VWC2L: variants seen among roughly 807,000 people sequenced by gnomAD.
The protein encoded by VWC2L is von Willebrand factor C domain containing 2 like.
In VWC2L, 10 loss-of-function variants were observed where a neutral mutation model predicts 21.6. That is an observed-to-expected ratio of 0.46 (90% CI 0.29 to 0.78). VWC2L has a LOEUF of 0.78. VWC2L is among the 30% of genes least tolerant of loss of function. The probability of loss-of-function intolerance (pLI) is 0.10; values close to 1 mark genes in which losing one functional copy is unlikely to be tolerated. For synonymous variants in VWC2L, 96 were observed against 94.3 expected, an observed-to-expected ratio of 1.02 and a Z score of -0.10; for missense variants, 209 against 277.1, an observed-to-expected ratio of 0.75 and a Z score of 1.74.
intron 3 of VWC2L, among the ~76,000 whole-genome samples, chr2:214,522,441 C>G (rs941482393): frequency 6.9e-6 from 1 of 144,996 alleles, no homozygotes; most frequent in South Asian, 2.2e-4. Context: ...ACTTCTATTT[C>G]TTTATATTCA....
chr2:214,521,212 G>A (rs1457262801), intron 3 of VWC2L, among the ~76,000 whole-genome samples: 1 of 150,982 alleles, frequency 6.6e-6, no homozygotes, highest in Non-Finnish European at 1.5e-5. Flanking sequence ...ACGACAGAGG[G>A]AGACTCTGAC....
chr2:214,527,798 A>G (rs893414307), intron 3 of VWC2L, among the ~76,000 whole-genome samples: 5 of 152,218 alleles, frequency 3.3e-5, no homozygotes, highest in Non-Finnish European at 7.3e-5. Context: ...ATTAAGTAAT[A>G]CATTAATATT....
At position 214,577,118 on chromosome 2, in the gene VWC2L, A is replaced by G. The variant is rs1463192805; in HGVS notation, c.*1298A>G. On this transcript the variant is annotated 3_prime_UTR_variant, in exon 4 of 4. Transcript: ENST00000312504. The stretch of plus-strand genomic sequence containing the variant: ...TCAAGTGCAAAATTAACAATTCTGA[A>G]ACCACATGGCATAGTTAGTCGCTTA... The G allele has an allele frequency of 6.6e-6, 1 of 152,164 alleles. No homozygotes were observed. The highest frequency in any genetic ancestry group is 1.5e-5 in the Non-Finnish European group (1 of 68,022). 9.4% of individuals were successfully genotyped at this position (152,164 alleles called of 1,614,324 possible). A position where few individuals can be genotyped will look rare whatever the true frequency, so the allele number is the denominator to read the frequency against.
chr2:214,522,418 T>C (rs961587356), intron 3 of VWC2L, among the ~76,000 whole-genome samples: 12 of 151,332 alleles, frequency 7.9e-5, no homozygotes, highest in African/African-American at 2.4e-4. Context: ...TCCTCTTTGC[T>C]GATTCCTCCT....
chr2:214,419,720 G>T (rs115874817), intron 2 of VWC2L, among the ~76,000 whole-genome samples: 1,838 of 152,220 alleles, frequency 0.012, 36 homozygotes, highest in African/African-American at 0.042. Context: ...ATATTCGAAA[G>T]GTGCGGTGTG....
intron 3 of VWC2L, among the ~76,000 whole-genome samples, chr2:214,565,374 G>C (rs920628079): frequency 6.6e-6 from 1 of 152,048 alleles, no homozygotes; most frequent in African/African-American, 2.4e-5. Flanking sequence ...TTCAACCAAT[G>C]AAAGCACTTA....
At chr2:214,417,341 G>C (rs969170902) in intron 2 of VWC2L, among the ~76,000 whole-genome samples, 22 of 147,254 alleles carry the variant, frequency 1.5e-4, no homozygotes, top group Admixed American at 1.4e-4. Flanking sequence ...GATGTGAAGA[G>C]AGAAGGGGGA....
intron 3 of VWC2L, among the ~76,000 whole-genome samples, chr2:214,493,078 G>C (rs7424055): frequency 0.38 from 57,355 of 152,016 alleles, 12,758 homozygotes; most frequent in South Asian, 0.59. Flanking sequence ...CCTAATATGG[G>C]GTACACCTGC....
At chr2:214,545,225 GA>G (rs1283974249) in intron 3 of VWC2L, among the ~76,000 whole-genome samples, 4 of 152,034 alleles carry the variant, frequency 2.6e-5, no homozygotes, top group South Asian at 2.1e-4. Flanking sequence ...ATTTAAAATA[GA>G]AAAAAATCTA....
chr2:214,418,910 G>T (rs1038787782), intron 2 of VWC2L, among the ~76,000 whole-genome samples: 1 of 152,084 alleles, frequency 6.6e-6, no homozygotes, highest in Non-Finnish European at 1.5e-5. Context: ...CTCACCAAGG[G>T]TTGTCTTGGA....
At position 214,459,902 on chromosome 2, in the gene VWC2L, C is replaced by CTTTT. The variant is rs57351904; in HGVS notation, c.520+23163_520+23166dup. Among the ~76,000 whole-genome samples the CTTTT allele has an allele frequency of 6.4e-3, 545 of 85,126 alleles. 4 individuals carry two copies. Among genetic ancestry groups the CTTTT allele is most frequent in the Middle Eastern group, 0.013 (1 of 78 alleles). 55.8% of individuals were successfully genotyped at this position (85,126 alleles called of 152,430 possible). On this transcript the variant is annotated intron_variant, in intron 3 of 3. Coordinates refer to ENST00000312504, the MANE Select transcript of VWC2L (RefSeq NM_001080500.4). ...TCTAGAATTATTTCTTTTCCTTTGA[C>CTTTT]TTTTTTTTTTTTTTTTTTTTTTGAG...
At chr2:214,423,729 A>C (rs1702476789) in intron 2 of VWC2L, among the ~76,000 whole-genome samples, 1 of 152,142 alleles carries the variant, frequency 6.6e-6, no homozygotes, top group Admixed American at 6.5e-5. Flanking sequence ...CCATTGTCTA[A>C]AACAGAAAAA....
At chr2:214,494,041 T>C (rs1019449986) in intron 3 of VWC2L, among the ~76,000 whole-genome samples, 1 of 152,128 alleles carries the variant, frequency 6.6e-6, no homozygotes, top group Non-Finnish European at 1.5e-5. Context: ...GTAATACTAT[T>C]CCTAATTTTC....
intron 3 of VWC2L, among the ~76,000 whole-genome samples, chr2:214,540,707 C>G (rs1689613136): frequency 6.6e-6 from 1 of 152,170 alleles, no homozygotes; most frequent in African/African-American, 2.4e-5. Context: ...TTAATTTGTT[C>G]TCTGAGAAAT....
At chr2:214,500,069 A>T (rs1688870485) in intron 3 of VWC2L, among the ~76,000 whole-genome samples, 1 of 152,208 alleles carries the variant, frequency 6.6e-6, no homozygotes, top group Non-Finnish European at 1.5e-5. Flanking sequence ...CATCAGGCAA[A>T]GGTAAGAGCA....
At chr2:214,421,277 T>G (rs1023662170) in intron 2 of VWC2L, among the ~76,000 whole-genome samples, 1 of 152,234 alleles carries the variant, frequency 6.6e-6, no homozygotes, top group African/African-American at 2.4e-5. Context: ...TATTAAGTAC[T>G]TTCTAAAAGA....
chr2:214,414,389 C>T lies in VWC2L; in HGVS notation c.196C>T (p.Arg66Ter), dbSNP rs1473508513. 3.7e-6 allele frequency: 6 copies of T among 1,613,552 alleles called. No individual in the cohort carries two copies. The highest frequency in any genetic ancestry group is 1.6e-4 in the Middle Eastern group (1 of 6,062). ...CGGCTTTGTATACAAGTTGGGAGAA[C>T]GATTTTTCCCTGGGCATTCCAACTG... ...DSGFVYKLGE[R>*]FFPGHSNCPC... Residue 66 changes from arginine to a stop codon, truncating the protein, a stop_gained, in exon 2 of 4, where the codon CGA becomes TGA. Transcript: ENST00000312504. LOFTEE classifies it high-confidence loss of function.
chr2:214,448,847 T>C (rs755195100), intron 3 of VWC2L, among the ~76,000 whole-genome samples: 1 of 152,192 alleles, frequency 6.6e-6, no homozygotes, highest in Non-Finnish European at 1.5e-5. Context: ...TGAGAAAACA[T>C]GTGAAAAGGG....
chr2:214,413,978 A>G (rs556579636), intron 1 of VWC2L, 136 bp from the exon 2 acceptor site: 2 of 499,694 alleles, frequency 4.0e-6, no homozygotes, highest in Non-Finnish European at 6.9e-6. Context: ...TAAGGCACAG[A>G]TAGTTGCATG....
Sources: gnomAD v4.1 joint callset for allele counts (sites outside exome capture counted in the v4.1 genomes callset) on GRCh38, gnomAD v4.1.1 for gene constraint, MANE v1.5 for transcripts, NCBI Gene and HGNC (gene_info 2026-07-23, HGNC 2026-07-21) for gene names.